Variants in SH3KBP1 observed in about 807,000 individuals in gnomAD.
The protein encoded by SH3KBP1 is SH3 domain-containing kinase-binding protein 1.
Under a neutral mutation model 50.1 loss-of-function variants are expected in SH3KBP1, and 8 were observed. The ratio of observed to expected loss-of-function variants is 0.16; its 90% CI spans 0.09 to 0.29. SH3KBP1 has a LOEUF of 0.29. Among genes scored for constraint, SH3KBP1 ranks in the 10% least tolerant of loss-of-function variants. The pLI is 1.00. For synonymous variants in SH3KBP1, 227 were observed against 218.6 expected (o/e 1.04, Z -0.34); for missense variants, 377 against 535.2 (o/e 0.70, Z 2.92).
intron 12 of SH3KBP1, among the ~76,000 whole-genome samples, chrX:19,577,312 G>A (rs1304670084): frequency 9.0e-6 from 1 of 111,588 alleles, no homozygotes; most frequent in Middle Eastern, 4.2e-3. Flanking sequence ...ACTCCTTCTC[G>A]AAGCTGCTTT....
At chrX:19,887,184 C>G (rs762520339) in intron 1 of SH3KBP1, 123 bp downstream of exon 1, 1 of 574,532 alleles carries the variant, frequency 1.7e-6, no homozygotes, top group Admixed American at 6.3e-5. Flanking sequence ...CGAGGGCGCC[C>G]ACCGCGGTGT....
intron 2 of SH3KBP1, among the ~76,000 whole-genome samples, chrX:19,782,313 C>G (rs1166880246): frequency 2.7e-5 from 3 of 111,992 alleles, no homozygotes; most frequent in African/African-American, 9.7e-5. Context: ...TCCCCTAGAA[C>G]ACCGTTGGAG....
Position 19,706,968 on chromosome X carries a change from G to T in SH3KBP1, c.303C>A (p.Arg101=). Residue 101 remains arginine (R), a synonymous_variant, in exon 4 of 18, where the codon CGC becomes CGA. Coordinates refer to ENST00000397821, the MANE Select transcript of SH3KBP1 (RefSeq NM_031892.3). ...RTNKRGERRR[R]RCQVAFSYLP... Reference sequence around the variant, plus strand: ...GGTAGCTGAATGCCACCTGGCACCGGCGCCTCCGTCGCTCGCCTGGATGGG... The same window carrying T: ...GGTAGCTGAATGCCACCTGGCACCGTCGCCTCCGTCGCTCGCCTGGATGGG... 8.3e-7 allele frequency: 1 copy of T among 1,210,767 alleles called. No individual in the cohort carries two copies. Among genetic ancestry groups the T allele is most frequent in the South Asian group, 1.8e-5 (1 of 56,989 alleles).
At chrX:19,681,414 T>C (rs371592396) in intron 6 of SH3KBP1, among the ~76,000 whole-genome samples, 1 of 112,887 alleles carries the variant, frequency 8.9e-6, no homozygotes, top group East Asian at 2.7e-4. Context: ...GCATTTATAT[T>C]TTAATATTAT....
chrX:19,652,089 G>A (rs1019882407), intron 6 of SH3KBP1, among the ~76,000 whole-genome samples: 1 of 111,209 alleles, frequency 9.0e-6, no homozygotes, highest in Admixed American at 9.6e-5. Flanking sequence ...AGAAAGAGAG[G>A]AGACGTCCTC....
intron 16 of SH3KBP1, 80 bp downstream of exon 16, chrX:19,541,845 G>A: frequency 9.1e-7 from 1 of 1,102,619 alleles, no homozygotes; most frequent in Non-Finnish European, 1.2e-6. Context: ...GGCAGGCTGG[G>A]ATCCATGCTT....
chrX:19,624,731 T>C (rs2067960036), intron 8 of SH3KBP1, among the ~76,000 whole-genome samples: 1 of 112,334 alleles, frequency 8.9e-6, no homozygotes, highest in Admixed American at 9.4e-5. Flanking sequence ...TTAAATGCTC[T>C]GAGGAGGAGA....
chrX:19,683,425 G>A, intron 6 of SH3KBP1: 1 of 345,732 alleles, frequency 2.9e-6, no homozygotes, highest in Admixed American at 2.9e-5. Context: ...ACCACAGTCA[G>A]CACACCCAAG....
chrX:19,814,153 T>G (rs754172461), intron 2 of SH3KBP1, among the ~76,000 whole-genome samples: 35 of 110,068 alleles, frequency 3.2e-4, no homozygotes, highest in African/African-American at 1.2e-3. Flanking sequence ...CCCTCCTTCC[T>G]CTCCTGCCAC....
intron 1 of SH3KBP1, among the ~76,000 whole-genome samples, chrX:19,853,660 C>T (rs768872085): frequency 9.0e-6 from 1 of 111,640 alleles, no homozygotes; most frequent in South Asian, 3.8e-4. Context: ...ACACAACATT[C>T]CTTTTCAGAA....
intron 9 of SH3KBP1, among the ~76,000 whole-genome samples, chrX:19,595,873 G>A (rs1009264135): frequency 1.5e-4 from 17 of 111,808 alleles, no homozygotes. Flanking sequence ...GTGCGCACAC[G>A]TGTGTGTGTC....
intron 2 of SH3KBP1, among the ~76,000 whole-genome samples, chrX:19,825,747 G>T (rs1457818642): frequency 9.0e-6 from 1 of 111,404 alleles, no homozygotes; most frequent in Admixed American, 9.5e-5. Context: ...GGTGGTGCAC[G>T]CCTGTAATCC....
chrX:19,561,072 TAAA>T (rs1278440852), intron 13 of SH3KBP1, among the ~76,000 whole-genome samples: 1,192 of 48,064 alleles, frequency 0.025, 31 homozygotes, highest in African/African-American at 0.076. Context: ...AGACCCTGTC[TAAA>T]AAAAAAAAAA....
At chrX:19,773,767 A>C (rs1191106131) in intron 2 of SH3KBP1, among the ~76,000 whole-genome samples, 1 of 102,089 alleles carries the variant, frequency 9.8e-6, no homozygotes. Context: ...GAGGCAGGAG[A>C]ATGGCGTGAA....
At chrX:19,716,428 G>A (rs774042878) in intron 3 of SH3KBP1, among the ~76,000 whole-genome samples, 8 of 112,113 alleles carry the variant, frequency 7.1e-5, no homozygotes, top group African/African-American at 1.3e-4. Context: ...TCTCTGCACC[G>A]CAGAACACAG....
chrX:19,883,474 A>G (rs2069500318), intron 1 of SH3KBP1, among the ~76,000 whole-genome samples: 1 of 111,863 alleles, frequency 8.9e-6, no homozygotes, highest in Non-Finnish European at 1.9e-5. Context: ...CCTGGTTGAT[A>G]TGAAGTAGCC....
intron 12 of SH3KBP1, among the ~76,000 whole-genome samples, chrX:19,579,484 C>CA (rs1418720779): frequency 1.8e-5 from 2 of 111,966 alleles, no homozygotes; most frequent in Non-Finnish European, 3.8e-5. Context: ...CCGTACTACT[C>CA]AAAGACATAG....
intron 6 of SH3KBP1, among the ~76,000 whole-genome samples, chrX:19,675,214 A>G (rs1415569509): frequency 9.0e-6 from 1 of 111,654 alleles, no homozygotes; most frequent in Non-Finnish European, 1.9e-5. Flanking sequence ...AGTGATTACT[A>G]TGTGCCAGGC....
At chrX:19,797,746 G>A (rs1331312483) in intron 2 of SH3KBP1, among the ~76,000 whole-genome samples, 1 of 111,173 alleles carries the variant, frequency 9.0e-6, no homozygotes, top group Non-Finnish European at 1.9e-5. Flanking sequence ...CTATGGATGA[G>A]ATGAAATATG....
Sources: allele counts gnomAD v4.1 joint callset (sites outside exome capture counted in the v4.1 genomes callset), GRCh38; gene constraint gnomAD v4.1.1; transcripts MANE v1.5; gene names NCBI Gene and HGNC (gene_info 2026-07-23, HGNC 2026-07-21).